TMEM17: variants seen among roughly 807,000 people sequenced by gnomAD.
TMEM17 encodes transmembrane protein 17.
A neutral mutation model predicts 19.1 loss-of-function variants in TMEM17; 15 were observed. The ratio of observed to expected loss-of-function variants is 0.78; its 90% CI spans 0.52 to 1.21. The LOEUF (loss-of-function observed/expected upper bound fraction) is 1.21. Ranked by LOEUF, TMEM17 falls within the 50% of genes most tolerant of loss-of-function variation. The pLI, the probability that TMEM17 is intolerant of heterozygous loss-of-function variation, is 0.00. For synonymous variants in TMEM17, 103 were observed against 86.9 expected (o/e 1.19, Z -1.03); for missense variants, 245 against 242.3 (o/e 1.01, Z -0.07).
the TMEM17 span, among the ~76,000 whole-genome samples, chr2:62,455,841 A>T: frequency 6.6e-6 from 1 of 152,222 alleles, no homozygotes; most frequent in Non-Finnish European, 1.5e-5. Flanking sequence ...CAATATATGA[A>T]AATTATAGTT....
chr2:62,489,093 A>G, the TMEM17 span, among the ~76,000 whole-genome samples: 3 of 152,214 alleles, frequency 2.0e-5, no homozygotes, highest in Admixed American at 6.5e-5. Context: ...GGAGTGGCCC[A>G]GCATCTCAGA....
At chr2:62,464,952 C>T in the TMEM17 span, among the ~76,000 whole-genome samples, 2 of 152,126 alleles carry the variant, frequency 1.3e-5, no homozygotes, top group African/African-American at 4.8e-5. Context: ...TTGGGTTTTA[C>T]AATAGATATG....
the TMEM17 span, among the ~76,000 whole-genome samples, chr2:62,493,751 T>A: frequency 3.3e-5 from 5 of 152,326 alleles, 1 homozygote; most frequent in South Asian, 1.0e-3. Context: ...AACAATGACT[T>A]ATAATGCTGT....
At chr2:62,461,411 G>A in the TMEM17 span, among the ~76,000 whole-genome samples, 1 of 152,190 alleles carries the variant, frequency 6.6e-6, no homozygotes, top group Non-Finnish European at 1.5e-5. Context: ...TGGTTTTCTG[G>A]TTCCCTGCTA....
chr2:62,462,336 C>G, the TMEM17 span, among the ~76,000 whole-genome samples: 5 of 152,200 alleles, frequency 3.3e-5, no homozygotes, highest in Non-Finnish European at 7.3e-5. Flanking sequence ...GAAACCAGCA[C>G]TGCAGGACCC....
chr2:62,504,752 A>C (rs1485618550), intron 1 of TMEM17, among the ~76,000 whole-genome samples: 1 of 152,222 alleles, frequency 6.6e-6, no homozygotes, highest in Non-Finnish European at 1.5e-5. Flanking sequence ...ATGAGCTAAA[A>C]ATGTTTTTTC....
the TMEM17 span, among the ~76,000 whole-genome samples, chr2:62,487,738 A>G: frequency 6.6e-6 from 1 of 152,260 alleles, no homozygotes; most frequent in African/African-American, 2.4e-5. Flanking sequence ...TCTGTCGCCC[A>G]GGCTGGAGTG....
downstream of TMEM17, among the ~76,000 whole-genome samples, chr2:62,499,623 TA>T (rs2103725158): frequency 6.6e-6 from 1 of 152,242 alleles, no homozygotes; most frequent in African/African-American, 2.4e-5. Flanking sequence ...GAGTGGGAAG[TA>T]AAGACATTTT....
the TMEM17 span, among the ~76,000 whole-genome samples, chr2:62,475,733 G>A: frequency 6.6e-6 from 1 of 152,178 alleles, no homozygotes; most frequent in East Asian, 1.9e-4. Flanking sequence ...TGTCGGGCTC[G>A]CTGACAGCTG....
downstream of TMEM17, among the ~76,000 whole-genome samples, chr2:62,495,246 T>C (rs944879335): frequency 6.6e-6 from 1 of 152,248 alleles, no homozygotes; most frequent in African/African-American, 2.4e-5. Context: ...CTACGATTTG[T>C]ATCTTGTTTT....
the TMEM17 span, among the ~76,000 whole-genome samples, chr2:62,480,698 TA>T: frequency 0.56 from 85,324 of 151,848 alleles, 24,218 homozygotes; most frequent in South Asian, 0.7. Context: ...GGCCCCTTCG[TA>T]AAAAAAAATC....
chr2:62,480,530 A>G, the TMEM17 span, among the ~76,000 whole-genome samples: 42 of 152,254 alleles, frequency 2.8e-4, no homozygotes, highest in Admixed American at 4.6e-4. Flanking sequence ...GTTTTCTTCT[A>G]GTAGTTTTAT....
the TMEM17 span, among the ~76,000 whole-genome samples, chr2:62,486,964 G>A: frequency 6.6e-6 from 1 of 152,104 alleles, no homozygotes; most frequent in African/African-American, 2.4e-5. Context: ...GGGTCGGGGA[G>A]CTGCTCAGTG....
At position 62,501,423 on chromosome 2, in the gene TMEM17, A is replaced by G; in HGVS notation, c.383T>C (p.Leu128Ser). 1 of 1,614,246 alleles carries G rather than the reference A, an allele frequency of 6.2e-7. No homozygotes were observed. Among genetic ancestry groups the G allele is most frequent in the Non-Finnish European group, 8.5e-7 (1 of 1,180,040 alleles). The change falls in exon 4 of 4, where the codon TTG (leucine) becomes TCG (serine). Residue 128 changes from leucine to serine, a missense_variant. Leu to Ser is a moderately radical substitution (Grantham distance 145, BLOSUM62 -2). Transcript: ENST00000335390. ...ATTTGTTAGGCCTTCATTAAAGAGC[A>G]AGAAAAGAATTAAAGGTAACTGCAA... ...LLLQLPLILF[L>S]LFNEGLTNLP...
intron 3 of TMEM17, 54 bp from the exon 4 acceptor site, chr2:62,501,541 T>C (rs967345093): frequency 4.6e-6 from 7 of 1,536,536 alleles, no homozygotes; most frequent in Non-Finnish European, 6.2e-6. Flanking sequence ...AGTTTCTGTT[T>C]ATACAGATAA....
At chr2:62,474,047 G>T in the TMEM17 span, among the ~76,000 whole-genome samples, 12 of 152,132 alleles carry the variant, frequency 7.9e-5, no homozygotes, top group Non-Finnish European at 1.8e-4. Context: ...CCAGAGTGGT[G>T]GGGTGGAGAG....
chr2:62,454,651 C>G, the TMEM17 span, among the ~76,000 whole-genome samples: 709 of 152,242 alleles, frequency 4.7e-3, 4 homozygotes, highest in African/African-American at 0.016. Context: ...TATCCTATAT[C>G]CTAGATTTGC....
chr2:62,456,020 G>A, the TMEM17 span, among the ~76,000 whole-genome samples: 2 of 152,074 alleles, frequency 1.3e-5, no homozygotes, highest in South Asian at 2.1e-4. Context: ...AAATGTCTAC[G>A]TGGCTGTTCC....
At chr2:62,490,263 G>A in the TMEM17 span, among the ~76,000 whole-genome samples, 3 of 151,550 alleles carry the variant, frequency 2.0e-5, no homozygotes, top group Non-Finnish European at 4.4e-5. Context: ...ATGCATGTGT[G>A]TATTATTATT....
Sources: gnomAD v4.1 joint callset for allele counts (sites outside exome capture counted in the v4.1 genomes callset) on GRCh38, gnomAD v4.1.1 for gene constraint, MANE v1.5 for transcripts, NCBI Gene and HGNC (gene_info 2026-07-23, HGNC 2026-07-21) for gene names.